The following SORCS2 variants were observed in gnomAD, a reference collection of about 807,000 sequenced individuals.
SORCS2 encodes VPS10 domain-containing receptor SorCS2.
In SORCS2, 100 loss-of-function variants were observed where a neutral mutation model predicts 141.6. The observed-to-expected ratio is 0.71, with a 90% confidence interval of 0.60 to 0.83. The LOEUF (loss-of-function observed/expected upper bound fraction) is 0.83. Among genes scored for constraint, SORCS2 ranks in the 40% least tolerant of loss-of-function variants. SORCS2 has a pLI of 0.00. For synonymous variants in SORCS2, 789 were observed against 676.9 expected (o/e 1.17, Z -2.57); for missense variants, 1,646 against 1,560.2 (o/e 1.05, Z -0.93).
intron 3 of SORCS2, among the ~76,000 whole-genome samples, chr4:7,607,197 C>T (rs1055462279): frequency 1.3e-5 from 2 of 152,204 alleles, no homozygotes; most frequent in African/African-American, 2.4e-5. Context: ...AAATTGATCT[C>T]TCTGTCTTTC....
rs577019439 is a variant in SORCS2, at chr4:7,689,295, T to C, written c.1489-191T>C. 1.3e-3 allele frequency among the ~76,000 whole-genome samples: 194 copies of C among 152,236 alleles called. 1 individual carries two copies. Among genetic ancestry groups the C allele is most frequent in the African/African-American group, 4.5e-3 (188 of 41,546 alleles). On this transcript the variant is annotated intron_variant, in intron 10 of 26. Coordinates refer to ENST00000507866, the MANE Select transcript of SORCS2 (RefSeq NM_020777.3). ...AGCACAGCACCTGCTGAAGCTTCCC[T>C]TGTACTTCCCACCCTTTCCCTAAAG...
intron 3 of SORCS2, among the ~76,000 whole-genome samples, chr4:7,539,521 G>A (rs1712395019): frequency 6.6e-6 from 1 of 152,140 alleles, no homozygotes; most frequent in Admixed American, 6.5e-5. Context: ...AGGGTAGCTG[G>A]CTGGCTTCCC....
chr4:7,691,223 C>T (rs1724227624), intron 11 of SORCS2, among the ~76,000 whole-genome samples: 1 of 152,238 alleles, frequency 6.6e-6, no homozygotes, highest in Non-Finnish European at 1.5e-5. Context: ...CTGAGCTGGA[C>T]ACCACATCTT....
chr4:7,479,707 G>A (rs1281223491), intron 2 of SORCS2, among the ~76,000 whole-genome samples: 2 of 152,226 alleles, frequency 1.3e-5, no homozygotes, highest in Non-Finnish European at 2.9e-5. Flanking sequence ...ATGAGGTCTT[G>A]GGACAGGCCC....
rs1010915258 is a variant in SORCS2, at chr4:7,354,546, C to T, written c.481-41742C>T. Among the ~76,000 whole-genome samples, 28 of 152,246 alleles carry T rather than the reference C, an allele frequency of 1.8e-4. 1 individual carries two copies. Among genetic ancestry groups the T allele is most frequent in the Admixed American group, 5.9e-4 (9 of 15,290 alleles). The stretch of plus-strand genomic sequence containing the variant: ...GGCTACCGTGCAGCCCCGGCTAAGG[C>T]CCACACGTCTCTGAGCTCGTGTCCT... On this transcript the variant is annotated intron_variant, in intron 1 of 26. Transcript: ENST00000507866.
At chr4:7,282,991 TCATC>T (rs1715983150) in intron 1 of SORCS2, among the ~76,000 whole-genome samples, 1 of 152,208 alleles carries the variant, frequency 6.6e-6, no homozygotes, top group Non-Finnish European at 1.5e-5. Flanking sequence ...ATTCATTCAT[TCATC>T]CATTAATTCA....
At chr4:7,646,174 C>T (rs551649095) in intron 4 of SORCS2, among the ~76,000 whole-genome samples, 20 of 152,336 alleles carry the variant, frequency 1.3e-4, no homozygotes, top group Non-Finnish European at 1.8e-4. Flanking sequence ...ACTCCCAGGA[C>T]GCAAGGAAGT....
At chr4:7,256,706 T>TGGCTGCGTCA (rs1328189889) in intron 1 of SORCS2, among the ~76,000 whole-genome samples, 1 of 147,402 alleles carries the variant, frequency 6.8e-6, no homozygotes, top group Non-Finnish European at 1.5e-5. Context: ...CAGCTAAGCC[T>TGGCTGCGTCA]GGCAGAAATC....
At chr4:7,375,289 A>G (rs1025197353) in intron 1 of SORCS2, among the ~76,000 whole-genome samples, 38 of 152,326 alleles carry the variant, frequency 2.5e-4, no homozygotes, top group African/African-American at 9.1e-4. Context: ...GGTGTTGGAC[A>G]TTTATATCAG....
intron 1 of SORCS2, among the ~76,000 whole-genome samples, chr4:7,311,137 C>G (rs574510029): frequency 6.6e-6 from 1 of 152,276 alleles, no homozygotes; most frequent in Admixed American, 6.5e-5. Flanking sequence ...CTTCCCGCCA[C>G]TATAGATCAG....
chr4:7,599,823 CTTTT>C (rs1370483227), intron 3 of SORCS2, among the ~76,000 whole-genome samples: 1 of 139,144 alleles, frequency 7.2e-6, no homozygotes. Context: ...TTTCTTTTTT[CTTTT>C]TTTTTTTTTT....
intron 3 of SORCS2, among the ~76,000 whole-genome samples, chr4:7,542,340 G>T (rs1280710843): frequency 6.6e-6 from 1 of 152,184 alleles, no homozygotes; most frequent in African/African-American, 2.4e-5. Flanking sequence ...TGGGAATAGG[G>T]TCTTTGCAGC....
intron 3 of SORCS2, among the ~76,000 whole-genome samples, chr4:7,623,318 C>T (rs1441821018): frequency 2.0e-5 from 3 of 152,182 alleles, no homozygotes; most frequent in East Asian, 3.9e-4. Flanking sequence ...TAATCAGTCA[C>T]ACTCAGAGAC....
chr4:7,511,921 C>T (rs538390854), intron 2 of SORCS2, among the ~76,000 whole-genome samples: 14 of 152,290 alleles, frequency 9.2e-5, no homozygotes, highest in East Asian at 3.9e-4. Flanking sequence ...GGCCCAAATC[C>T]CACCCTTTCT....
At chr4:7,427,508 C>T (rs1053323895) in intron 2 of SORCS2, among the ~76,000 whole-genome samples, 7 of 152,162 alleles carry the variant, frequency 4.6e-5, no homozygotes, top group African/African-American at 9.7e-5. Context: ...AGCTGGGCTG[C>T]GCCTGGGACT....
chr4:7,551,120 A>G (rs750646992), intron 3 of SORCS2, among the ~76,000 whole-genome samples: 25 of 152,212 alleles, frequency 1.6e-4, no homozygotes, highest in Non-Finnish European at 3.4e-4. Context: ...GCCATTTGTC[A>G]TGGCAAAATA....
intron 1 of SORCS2, among the ~76,000 whole-genome samples, chr4:7,384,752 G>T (rs1018347012): frequency 6.6e-6 from 1 of 152,184 alleles, no homozygotes; most frequent in Admixed American, 6.5e-5. Context: ...CCAACTCCCT[G>T]CATCCTCGCT....
At chr4:7,657,221 C>T (rs557662505) in intron 5 of SORCS2, among the ~76,000 whole-genome samples, 130 of 152,218 alleles carry the variant, frequency 8.5e-4, no homozygotes, top group Non-Finnish European at 1.2e-3. Context: ...AAGGAACAAA[C>T]GTGGTAAATA....
intron 2 of SORCS2, among the ~76,000 whole-genome samples, chr4:7,525,968 A>C (rs1733668129): frequency 3.4e-5 from 3 of 88,700 alleles, no homozygotes; most frequent in Admixed American, 1.3e-4. Flanking sequence ...CTTCTCAGTC[A>C]CCTGTCCCCT....
Sources: gnomAD v4.1 joint callset for allele counts (sites outside exome capture counted in the v4.1 genomes callset) on GRCh38, gnomAD v4.1.1 for gene constraint, MANE v1.5 for transcripts, NCBI Gene and HGNC (gene_info 2026-07-23, HGNC 2026-07-21) for gene names.